TNS3: variants seen among roughly 807,000 people sequenced by gnomAD.
TNS3 encodes tensin-3.
A neutral mutation model predicts 140.9 loss-of-function variants in TNS3; 45 were observed. That is an observed-to-expected ratio of 0.32 (90% CI 0.25 to 0.41). TNS3 has a LOEUF of 0.41. Among genes scored for constraint, TNS3 ranks in the 10% least tolerant of loss-of-function variants. The pLI is 1.00. For missense variants in TNS3, 1,716 were observed against 1,906.7 expected, an observed-to-expected ratio of 0.90 and a Z score of 1.86; for synonymous variants, 815 against 788.4, an observed-to-expected ratio of 1.03 and a Z score of -0.56.
intron 2 of TNS3, among the ~76,000 whole-genome samples, chr7:47,526,745 C>A (rs779754990): frequency 1.3e-5 from 2 of 152,244 alleles, no homozygotes; most frequent in Non-Finnish European, 2.9e-5. Context: ...CCATGCTGCT[C>A]ATGACAGCTC....
In TNS3 at chr7:47,423,715, G is replaced by A. The variant is rs75246930; in HGVS notation, c.473+386C>T. Among the ~76,000 whole-genome samples the A allele has an allele frequency of 3.0e-3, 462 of 152,322 alleles. 22 individuals are homozygous for A. The East Asian group carries it at 0.074, about 24-fold the overall frequency. On this transcript the variant is annotated intron_variant, in intron 10 of 30. Transcript: ENST00000311160. ...CGATAAAGATCCTGTAGCCTGCAAA[G>A]CCTAAAATATCCACTCTCTAGTCCG...
intron 1 of TNS3, among the ~76,000 whole-genome samples, chr7:47,545,117 A>G (rs1002819331): frequency 6.6e-6 from 1 of 150,900 alleles, no homozygotes; most frequent in Non-Finnish European, 1.5e-5. Context: ...TTCCGTGATA[A>G]TACATTGAGA....
At chr7:47,576,439 G>T (rs1584870709) in intron 1 of TNS3, among the ~76,000 whole-genome samples, 1 of 152,196 alleles carries the variant, frequency 6.6e-6, no homozygotes, top group East Asian at 1.9e-4. Context: ...GGACAGTTCT[G>T]CCCCAGGTTT....
At chr7:47,506,515 T>A (rs1798422288) in intron 3 of TNS3, among the ~76,000 whole-genome samples, 1 of 151,302 alleles carries the variant, frequency 6.6e-6, no homozygotes, top group African/African-American at 2.4e-5. Flanking sequence ...CACAACTATC[T>A]CCAAAATGAG....
In TNS3 at chr7:47,389,103, CGGAAGCAGAAGAAGAAGAAGAAGA is replaced by C. The variant is rs1792326015; in HGVS notation, c.1024+7673_1024+7696del. Reference sequence around the variant, plus strand: ...GAAGAAGAGGAAGAGGAAGAGGAAGCGGAAGCAGAAGAAGAAGAAGAAGAAGAAGAAGAAGAAGAAGAAGAAGAA... The same window carrying C: ...GAAGAAGAGGAAGAGGAAGAGGAAGCAGAAGAAGAAGAAGAAGAAGAAGAA... On this transcript the variant is annotated intron_variant, in intron 16 of 30. Coordinates refer to ENST00000311160, the MANE Select transcript of TNS3 (RefSeq NM_022748.12). Among the ~76,000 whole-genome samples the C allele has an allele frequency of 1.8e-4, 3 of 16,478 alleles. 1 individual carries two copies. Among genetic ancestry groups the C allele is most frequent in the African/African-American group, 5.1e-4 (3 of 5,846 alleles). 10.8% of individuals were successfully genotyped at this position (16,478 alleles called of 152,430 possible).
At chr7:47,365,444 CAAA>C (rs764220415) in intron 17 of TNS3, among the ~76,000 whole-genome samples, 2 of 117,236 alleles carry the variant, frequency 1.7e-5, no homozygotes. Flanking sequence ...GACTCCATCT[CAAA>C]AAAAAAAAAA....
rs868857569 is a variant in TNS3 at position 47,565,952 on chromosome 7, C to T, written c.-265+16099G>A. Among the ~76,000 whole-genome samples, 25 of 152,224 alleles carry T rather than the reference C, an allele frequency of 1.6e-4. No individual in the cohort carries two copies. In the Middle Eastern group the frequency reaches 0.017, roughly 104 times the overall value. On this transcript the variant is annotated intron_variant, in intron 1 of 30. Coordinates refer to ENST00000311160, the MANE Select transcript of TNS3 (RefSeq NM_022748.12). Reference sequence around the variant, plus strand: ...AGCCACAGTCTGATGGCATGATATGCGTGGATTACTGCAAAGCCACATGGA... The same window carrying T: ...AGCCACAGTCTGATGGCATGATATGTGTGGATTACTGCAAAGCCACATGGA...
intron 16 of TNS3, among the ~76,000 whole-genome samples, chr7:47,381,596 A>G (rs1171504927): frequency 6.6e-6 from 1 of 152,198 alleles, no homozygotes; most frequent in African/African-American, 2.4e-5. Context: ...ATCACCAATC[A>G]GCCATCCAGG....
At chr7:47,439,310 C>T (rs974444945) in intron 6 of TNS3, among the ~76,000 whole-genome samples, 177 bp downstream of exon 6, 4 of 152,182 alleles carry the variant, frequency 2.6e-5, no homozygotes, top group African/African-American at 9.7e-5. Flanking sequence ...ACACATAAGT[C>T]TCCTCCCCAG....
At chr7:47,427,123 C>CAAAAAAAA (rs61383259) in intron 9 of TNS3, among the ~76,000 whole-genome samples, 1 of 106,816 alleles carries the variant, frequency 9.4e-6, no homozygotes. Flanking sequence ...AAGACTCTGT[C>CAAAAAAAA]AAAAAAAAAA....
chr7:47,439,182 G>A (rs1341564820), intron 6 of TNS3, among the ~76,000 whole-genome samples: 1 of 152,204 alleles, frequency 6.6e-6, no homozygotes, highest in Non-Finnish European at 1.5e-5. Flanking sequence ...GCGCAAGGGT[G>A]GCTGGCTGGG....
chr7:47,442,569 A>G (rs139066682), intron 4 of TNS3, among the ~76,000 whole-genome samples: 8 of 152,358 alleles, frequency 5.3e-5, no homozygotes, highest in Admixed American at 5.2e-4. Flanking sequence ...GTTATATACT[A>G]TGGTGACAGA....
rs769908054 is a variant in TNS3 at position 47,368,683 on chromosome 7, CA to C, written c.1962del (p.Asp655ThrfsTer21). 1.3e-6 allele frequency: 2 copies of C among 1,595,090 alleles called. No homozygotes were observed. The highest frequency in any genetic ancestry group is 1.7e-6 in the Non-Finnish European group (2 of 1,171,536). On this transcript the variant is annotated frameshift_variant, in exon 17 of 31. Transcript: ENST00000311160. LOFTEE classifies it high-confidence loss of function. ...QRGVGSGPHP[P>X]DTQQPSPSKA... The stretch of plus-strand genomic sequence containing the variant: ...TTGCTGGGAGAGGGCTGCTGTGTGT[CA>C]GGGGGATGTGGCCCACTGCCTACAC...
upstream of TNS3, chr7:47,582,506 C>T (rs1784560622): frequency 1.5e-5 from 7 of 456,442 alleles, 1 homozygote; most frequent in South Asian, 7.7e-5. Context: ...AGGTGCTCTC[C>T]GGGAGCAAGA....
intron 4 of TNS3, among the ~76,000 whole-genome samples, chr7:47,458,982 A>C (rs1432207386): frequency 6.6e-6 from 1 of 152,188 alleles, no homozygotes; most frequent in African/African-American, 2.4e-5. Context: ...TGGACCCCTA[A>C]ATAAGTACGG....
chr7:47,572,242 G>C (rs1584867562), intron 1 of TNS3, among the ~76,000 whole-genome samples: 1 of 152,246 alleles, frequency 6.6e-6, no homozygotes, highest in Non-Finnish European at 1.5e-5. Context: ...GTTCTGAGAA[G>C]TCACTACAGT....
chr7:47,453,254 G>C (rs1279787782), intron 4 of TNS3: 1 of 985,484 alleles, frequency 1.0e-6, no homozygotes, highest in Non-Finnish European at 1.2e-6. Context: ...CCTGCCAAGG[G>C]CCTGAGGGAC....
chr7:47,347,329 A>G (rs1440068664), intron 17 of TNS3, among the ~76,000 whole-genome samples: 3 of 152,154 alleles, frequency 2.0e-5, no homozygotes, highest in Non-Finnish European at 4.4e-5. Context: ...TGATAGTGAC[A>G]TACAGTCGTG....
intron 4 of TNS3, among the ~76,000 whole-genome samples, chr7:47,458,092 G>A (rs893690658): frequency 7.4e-6 from 1 of 135,368 alleles, no homozygotes; most frequent in Admixed American, 8.3e-5. Context: ...CCACATACAT[G>A]ACGTTTACAC....
Sources: gnomAD v4.1 joint callset for allele counts (sites outside exome capture counted in the v4.1 genomes callset) on GRCh38, gnomAD v4.1.1 for gene constraint, MANE v1.5 for transcripts, NCBI Gene and HGNC (gene_info 2026-07-23, HGNC 2026-07-21) for gene names.